BCL2L13: variants seen among roughly 807,000 people sequenced by gnomAD.
The protein encoded by BCL2L13 is bcl-2-like protein 13.
Under a neutral mutation model 25.8 loss-of-function variants are expected in BCL2L13, and 13 were observed. The observed-to-expected ratio is 0.50, with a 90% CI of 0.33 to 0.80. The LOEUF is 0.80. BCL2L13 is among the 30% of genes least tolerant of loss of function. The pLI is 0.02. For synonymous variants in BCL2L13, 244 were observed against 230.3 expected, an observed-to-expected ratio of 1.06 and a Z score of -0.54; for missense variants, 504 against 574.9, an observed-to-expected ratio of 0.88 and a Z score of 1.26.
At chr22:17,724,084 G>A (rs906545540) in intron 6 of BCL2L13, among the ~76,000 whole-genome samples, 2 of 152,000 alleles carry the variant, frequency 1.3e-5, no homozygotes, top group African/African-American at 4.8e-5. Flanking sequence ...ACCAGCCTGG[G>A]CAACATAGAG....
chr22:17,695,967 G>T, intron 4 of BCL2L13, 174 bp from the exon 5 acceptor site: 2 of 496,516 alleles, frequency 4.0e-6, no homozygotes, highest in East Asian at 3.1e-5. Context: ...CTTATAGAAT[G>T]CTTGAAAAAA....
At position 17,725,129 on chromosome 22, in the gene BCL2L13, A is replaced by T. The variant is rs545373778; in HGVS notation, c.601-1548A>T. On this transcript the variant is annotated intron_variant, in intron 6 of 6. Coordinates refer to ENST00000317582, the MANE Select transcript of BCL2L13 (RefSeq NM_015367.4). ...CAGACTTCCTGACAAAAGAAGCAAG[A>T]GTCTCCGTGTCTGCAGCATTTCTCC... Among the ~76,000 whole-genome samples the T allele has an allele frequency of 9.8e-5, 15 of 152,378 alleles. 1 individual carries two copies. The South Asian group carries it at 3.1e-3, about 32-fold the overall frequency.
chr22:17,649,416 T>C (rs956122358), intron 1 of BCL2L13, among the ~76,000 whole-genome samples: 1 of 151,424 alleles, frequency 6.6e-6, no homozygotes, highest in African/African-American at 2.4e-5. Context: ...ATTTAAAGCA[T>C]TTATTCAAAA....
At chr22:17,679,952 C>T (rs556266839) in intron 2 of BCL2L13, among the ~76,000 whole-genome samples, 5 of 152,136 alleles carry the variant, frequency 3.3e-5, no homozygotes, top group African/African-American at 1.2e-4. Flanking sequence ...GTGGCTCACG[C>T]CTGTAATCCC....
intron 6 of BCL2L13, among the ~76,000 whole-genome samples, chr22:17,711,577 C>T (rs970651280): frequency 9.9e-5 from 15 of 152,122 alleles, no homozygotes; most frequent in Non-Finnish European, 1.3e-4. Flanking sequence ...AGGTTACAGG[C>T]GTGAGCCACC....
chr22:17,686,305 C>A (rs1380631133), intron 3 of BCL2L13, among the ~76,000 whole-genome samples: 3 of 151,608 alleles, frequency 2.0e-5, no homozygotes, highest in Non-Finnish European at 4.4e-5. Flanking sequence ...AAAAAATTAG[C>A]CAGGCATGGT....
chr22:17,702,104 ACT>A (rs912297935), intron 5 of BCL2L13, 137 bp from the exon 6 acceptor site: 22 of 665,028 alleles, frequency 3.3e-5, no homozygotes, highest in Non-Finnish European at 4.8e-5. Flanking sequence ...AATAGAAGTT[ACT>A]GTTTTATTTC....
rs1187969634 is a variant in BCL2L13, at chr22:17,684,427, A to C, written c.229+1106A>C. Among the ~76,000 whole-genome samples, 4 of 152,354 alleles carry C rather than the reference A, an allele frequency of 2.6e-5. No homozygotes were observed. In the East Asian group the frequency reaches 7.7e-4, roughly 29 times the overall value. On this transcript the variant is annotated intron_variant, in intron 3 of 6. Coordinates refer to ENST00000317582, the MANE Select transcript of BCL2L13 (RefSeq NM_015367.4). ...TTCTCCTTAAAGAAACACAATACAC[A>C]TTAGCAGCCACTTCCCATTCCCACT...
chr22:17,730,798 G>A lies in BCL2L13; in HGVS notation c.*3264G>A, dbSNP rs2061384718. On this transcript the variant is annotated 3_prime_UTR_variant, in exon 7 of 7. Transcript: ENST00000317582. ...GCATTATCTCGTTTAACATCTCAGC[G>A]ACATACTGGATACCAGAATAATGTT... 2 of 151,928 alleles carry A rather than the reference G, an allele frequency of 1.3e-5. No homozygotes were observed. Among genetic ancestry groups the A allele is most frequent in the African/African-American group, 2.4e-5 (1 of 41,340 alleles). 9.4% of individuals were successfully genotyped at this position (151,928 alleles called of 1,614,324 possible). A position where few individuals can be genotyped will look rare whatever the true frequency, so the allele number is the denominator to read the frequency against.
chr22:17,678,115 C>T (rs13053393), intron 2 of BCL2L13, among the ~76,000 whole-genome samples: 69,834 of 151,800 alleles, frequency 0.46, 16,954 homozygotes, highest in East Asian at 0.8. Context: ...CTCGACCTCC[C>T]AGGCTCAAGT....
rs1027926723 is a variant in BCL2L13, at chr22:17,727,892, C to T, written c.*358C>T. ...CACTAGATGCCAGTGGCACCCCCTC[C>T]CAGAGATGACAAACGAAAATGTCTC... is the stretch of plus-strand genomic sequence containing the variant. On this transcript the variant is annotated 3_prime_UTR_variant, in exon 7 of 7. Coordinates refer to ENST00000317582, the MANE Select transcript of BCL2L13 (RefSeq NM_015367.4). The T allele has an allele frequency of 3.7e-6, 1 of 268,052 alleles. No individual in the cohort carries two copies. Among genetic ancestry groups the T allele is most frequent in the Non-Finnish European group, 7.2e-6 (1 of 139,006 alleles). The allele number at this position is 268,052 out of a possible 1,614,324, so 16.6% of individuals were successfully genotyped here. A position where few individuals can be genotyped will look rare whatever the true frequency, so the allele number is the denominator to read the frequency against.
At chr22:17,640,221 C>T (rs2058225983) in intron 1 of BCL2L13, among the ~76,000 whole-genome samples, 1 of 152,182 alleles carries the variant, frequency 6.6e-6, no homozygotes, top group Non-Finnish European at 1.5e-5. Context: ...CACCCTCTCT[C>T]CCCCAAGTGA....
intron 6 of BCL2L13, among the ~76,000 whole-genome samples, chr22:17,705,300 A>AT (rs758981042): frequency 0.011 from 1,461 of 135,568 alleles, 12 homozygotes; most frequent in Middle Eastern, 0.019. Context: ...AAGATACTGC[A>AT]TTTTTTTTTT....
chr22:17,682,593 C>G (rs1468782730), intron 2 of BCL2L13, among the ~76,000 whole-genome samples: 1 of 152,014 alleles, frequency 6.6e-6, no homozygotes, highest in African/African-American at 2.4e-5. Flanking sequence ...AGGACTGGCC[C>G]GACTTATTGA....
intron 3 of BCL2L13, among the ~76,000 whole-genome samples, chr22:17,688,149 G>A (rs2060000571): frequency 6.6e-6 from 1 of 152,048 alleles, no homozygotes; most frequent in Admixed American, 6.6e-5. Flanking sequence ...TAGAGATGTG[G>A]TTTTGCCATG....
intron 2 of BCL2L13, among the ~76,000 whole-genome samples, chr22:17,674,443 A>G (rs1457255207): frequency 6.6e-6 from 1 of 151,918 alleles, no homozygotes; most frequent in Non-Finnish European, 1.5e-5. Context: ...TGTCTCTACT[A>G]AAAATATAGG....
chr22:17,686,884 C>T (rs1459766665), intron 3 of BCL2L13, among the ~76,000 whole-genome samples: 2 of 152,150 alleles, frequency 1.3e-5, no homozygotes, highest in Non-Finnish European at 2.9e-5. Context: ...AACAGCACTG[C>T]TGCATAGTAA....
intron 6 of BCL2L13, chr22:17,703,527 T>C (rs1321040072): frequency 1.3e-5 from 2 of 152,216 alleles, no homozygotes; most frequent in African/African-American, 4.8e-5. Context: ...TGTTGTAATT[T>C]GCCCAACAGT....
chr22:17,712,212 A>G (rs1369526884), intron 6 of BCL2L13, among the ~76,000 whole-genome samples: 1 of 152,194 alleles, frequency 6.6e-6, no homozygotes, highest in Non-Finnish European at 1.5e-5. Flanking sequence ...AGTATTGTAT[A>G]TTAACTTTCC....
Sources: gnomAD v4.1 joint callset for allele counts (sites outside exome capture counted in the v4.1 genomes callset) on GRCh38, gnomAD v4.1.1 for gene constraint, MANE v1.5 for transcripts, NCBI Gene and HGNC (gene_info 2026-07-23, HGNC 2026-07-21) for gene names.